Variants in PPM1E observed in about 807,000 individuals in gnomAD.
PPM1E encodes the protein protein phosphatase, Mg2+/Mn2+ dependent 1E, also known as protein phosphatase 1E.
PPM1E carries 20 observed loss-of-function variants against 65.9 expected under a neutral mutation model. The ratio of observed to expected loss-of-function variants is 0.30; its 90% CI spans 0.21 to 0.44. The LOEUF is 0.44. Among genes scored for constraint, PPM1E ranks in the 20% least tolerant of loss-of-function variants. The pLI is 1.00. For synonymous variants in PPM1E, 352 were observed against 374.9 expected (o/e 0.94, Z 0.70); for missense variants, 713 against 953.1 (o/e 0.75, Z 3.32).
chr17:58,768,743 C>A (rs1438697589), intron 1 of PPM1E, among the ~76,000 whole-genome samples: 17 of 152,156 alleles, frequency 1.1e-4, no homozygotes, highest in Admixed American at 1.1e-3. Flanking sequence ...GGTGTTGGCT[C>A]ACCACAACCT....
intron 1 of PPM1E, among the ~76,000 whole-genome samples, chr17:58,789,520 C>T (rs995397432): frequency 5.3e-5 from 8 of 152,052 alleles, no homozygotes; most frequent in Admixed American, 2.0e-4. Context: ...CATGTGTCTC[C>T]GTGAGGTAAT....
intron 1 of PPM1E, among the ~76,000 whole-genome samples, chr17:58,873,448 C>T (rs984684536): frequency 6.6e-6 from 1 of 151,824 alleles, no homozygotes; most frequent in Non-Finnish European, 1.5e-5. Flanking sequence ...AGTGAAAAAC[C>T]ATGTATCTAA....
chr17:58,970,338 G>A (rs1422772195), intron 4 of PPM1E, among the ~76,000 whole-genome samples: 2 of 152,074 alleles, frequency 1.3e-5, no homozygotes, highest in African/African-American at 2.4e-5. Flanking sequence ...CTATATTAAG[G>A]TCTAAAAGTA....
At chr17:58,791,989 A>G (rs1202826072) in intron 1 of PPM1E, among the ~76,000 whole-genome samples, 1 of 151,634 alleles carries the variant, frequency 6.6e-6, no homozygotes, top group Non-Finnish European at 1.5e-5. Flanking sequence ...TTCCTTGCCC[A>G]TTTCTTCCCT....
chr17:58,837,019 CAAAA>C (rs761954197), intron 1 of PPM1E, among the ~76,000 whole-genome samples: 1 of 39,072 alleles, frequency 2.6e-5, no homozygotes, highest in Non-Finnish European at 5.1e-5. Flanking sequence ...AACTCCGTCT[CAAAA>C]AAAAAAAAAA....
intron 1 of PPM1E, among the ~76,000 whole-genome samples, chr17:58,909,797 T>G (rs1375408993): frequency 2.0e-5 from 3 of 152,024 alleles, no homozygotes; most frequent in Non-Finnish European, 4.4e-5. Context: ...TTGTTTTTGT[T>G]TTTTGACATT....
At chr17:58,794,677 TC>T (rs756283946) in intron 1 of PPM1E, among the ~76,000 whole-genome samples, 2 of 152,130 alleles carry the variant, frequency 1.3e-5, no homozygotes, top group African/African-American at 2.4e-5. Context: ...GGTTTTCTGT[TC>T]CTGTGTAAGT....
chr17:58,886,726 A>G (rs1314371882), intron 1 of PPM1E, among the ~76,000 whole-genome samples: 3 of 152,268 alleles, frequency 2.0e-5, no homozygotes, highest in Non-Finnish European at 4.4e-5. Context: ...AAAAGAACAA[A>G]TGATGCATGC....
intron 1 of PPM1E, among the ~76,000 whole-genome samples, chr17:58,918,949 C>T (rs1315092468): frequency 2.0e-5 from 3 of 151,454 alleles, no homozygotes; most frequent in Admixed American, 6.6e-5. Flanking sequence ...AAAGGGATTG[C>T]TTTTATGAGC....
chr17:58,875,909 A>G (rs760238749), intron 1 of PPM1E, among the ~76,000 whole-genome samples: 7 of 152,194 alleles, frequency 4.6e-5, no homozygotes, highest in Admixed American at 1.3e-4. Flanking sequence ...ACTATCATTA[A>G]TGAGAGATAT....
intron 1 of PPM1E, among the ~76,000 whole-genome samples, chr17:58,762,845 C>G (rs1052719639): frequency 1.3e-5 from 2 of 150,308 alleles, no homozygotes; most frequent in East Asian, 3.9e-4. Flanking sequence ...TTGCAGTGAG[C>G]CGAGATCCCG....
intron 1 of PPM1E, among the ~76,000 whole-genome samples, chr17:58,871,021 G>A (rs1056353951): frequency 2.0e-5 from 3 of 152,026 alleles, no homozygotes; most frequent in Non-Finnish European, 4.4e-5. Context: ...GTGATCAGCT[G>A]TTATGTGTGT....
chr17:58,773,612 C>T (rs1598561699), intron 1 of PPM1E, among the ~76,000 whole-genome samples: 1 of 152,150 alleles, frequency 6.6e-6, no homozygotes, highest in South Asian at 2.1e-4. Context: ...TTGTACCTTC[C>T]TTGAAGCAGA....
chr17:58,788,972 T>G (rs1288992995), intron 1 of PPM1E, among the ~76,000 whole-genome samples: 1 of 152,236 alleles, frequency 6.6e-6, no homozygotes, highest in East Asian at 1.9e-4. Context: ...GAGTTAATCC[T>G]AATAATGAAT....
At chr17:58,954,797 T>C (rs576431170) in intron 1 of PPM1E, among the ~76,000 whole-genome samples, 1 of 151,568 alleles carries the variant, frequency 6.6e-6, no homozygotes, top group South Asian at 2.1e-4. Flanking sequence ...AGAAAATAGT[T>C]TGAACCTGGG....
chr17:58,828,257 T>C (rs77326197), intron 1 of PPM1E, among the ~76,000 whole-genome samples: 22,242 of 151,622 alleles, frequency 0.15, 2,549 homozygotes, highest in East Asian at 0.31. Flanking sequence ...CAATGTAATA[T>C]GTGTATAATT....
At chr17:58,776,785 G>A (rs1240591998) in intron 1 of PPM1E, among the ~76,000 whole-genome samples, 1 of 152,136 alleles carries the variant, frequency 6.6e-6, no homozygotes, top group East Asian at 1.9e-4. Context: ...TGCCTAAGTG[G>A]TTTAATTGAA....
chr17:58,954,260 C>G (rs570991676), intron 1 of PPM1E, among the ~76,000 whole-genome samples: 4 of 151,932 alleles, frequency 2.6e-5, no homozygotes, highest in Non-Finnish European at 5.9e-5. Flanking sequence ...TTTTTTCTCA[C>G]TCTTTTTCTT....
At chr17:58,857,132 C>T (rs898881444) in intron 1 of PPM1E, among the ~76,000 whole-genome samples, 3 of 152,146 alleles carry the variant, frequency 2.0e-5, no homozygotes, top group African/African-American at 7.2e-5. Flanking sequence ...CCCTGTTATC[C>T]CTAAATACTT....
Sources: gnomAD v4.1 joint callset for allele counts (sites outside exome capture counted in the v4.1 genomes callset) on GRCh38, gnomAD v4.1.1 for gene constraint, MANE v1.5 for transcripts, NCBI Gene and HGNC (gene_info 2026-07-23, HGNC 2026-07-21) for gene names.